PCTP: variants seen among roughly 807,000 people sequenced by gnomAD.
PCTP encodes phosphatidylcholine transfer protein, also known as START domain-containing protein 2.
In PCTP, 27 loss-of-function variants were observed where a neutral mutation model predicts 31.0. That is an observed-to-expected ratio of 0.87 (90% confidence interval 0.64 to 1.20). The LOEUF (loss-of-function observed/expected upper bound fraction) is 1.20, where lower values mean the gene tolerates loss of function less well. PCTP is among the 50% of genes most tolerant of loss of function. The pLI is 0.00. For synonymous variants in PCTP, 108 were observed against 101.2 expected (o/e 1.07, Z -0.40); for missense variants, 287 against 268.2 (o/e 1.07, Z -0.49).
downstream of PCTP, among the ~76,000 whole-genome samples, chr17:55,846,724 C>T (rs2145100413): frequency 6.6e-6 from 1 of 152,206 alleles, no homozygotes; most frequent in Non-Finnish European, 1.5e-5. Context: ...CATGATAGTT[C>T]TTATAGGTAG....
chr17:55,823,431 G>A (rs748035839), downstream of PCTP, among the ~76,000 whole-genome samples: 3 of 152,194 alleles, frequency 2.0e-5, no homozygotes, highest in African/African-American at 4.8e-5. Context: ...CTAAAAAGTA[G>A]CGACTGGGAA....
At chr17:55,760,506 T>G (rs12936444) in intron 1 of PCTP, among the ~76,000 whole-genome samples, 17,457 of 152,202 alleles carry the variant, frequency 0.11, 1,132 homozygotes, top group African/African-American at 0.17. Flanking sequence ...AGAGGTTAGA[T>G]TCTACCCAGA....
chr17:55,791,319 C>T (rs1202839238), intron 3 of PCTP, among the ~76,000 whole-genome samples: 1 of 149,638 alleles, frequency 6.7e-6, no homozygotes, highest in Non-Finnish European at 1.5e-5. Flanking sequence ...TCTAATTAAA[C>T]TAAAGAGCTT....
At chr17:55,804,492 A>G (rs1294964119) in intron 3 of PCTP, among the ~76,000 whole-genome samples, 1 of 152,242 alleles carries the variant, frequency 6.6e-6, no homozygotes, top group Non-Finnish European at 1.5e-5. Flanking sequence ...AGACTGGATA[A>G]AGAAAATGTG....
rs560274705 is a variant in PCTP, at chr17:55,762,598, A to G, written c.142-4737A>G. Among the ~76,000 whole-genome samples the G allele has an allele frequency of 6.6e-5, 10 of 152,302 alleles. No homozygotes were observed. In the East Asian group the frequency reaches 1.9e-3, roughly 29 times the overall value. On this transcript the variant is annotated intron_variant, in intron 1 of 5. Coordinates refer to ENST00000268896, the MANE Select transcript of PCTP (RefSeq NM_021213.4). Reference sequence around the variant, plus strand: ...ATCAATGACAAACAGAGGCATGTTTATCTCACCTAATAAATAGGTCAGAGT... The same window carrying G: ...ATCAATGACAAACAGAGGCATGTTTGTCTCACCTAATAAATAGGTCAGAGT...
chr17:55,775,845 C>T (rs754220273), intron 5 of PCTP, 190 bp from the exon 6 acceptor site: 22 of 1,312,788 alleles, frequency 1.7e-5, no homozygotes, highest in Non-Finnish European at 2.1e-5. Flanking sequence ...TTCCTGTTGA[C>T]TGGTCTTACT....
At chr17:55,784,317 G>C (rs1204598366) in intron 2 of PCTP, among the ~76,000 whole-genome samples, 1 of 152,122 alleles carries the variant, frequency 6.6e-6, no homozygotes, top group Non-Finnish European at 1.5e-5. Context: ...GGCTGTAGGA[G>C]ACCTTCCCCC....
chr17:55,814,732 C>T (rs1912863109), intron 3 of PCTP, among the ~76,000 whole-genome samples: 1 of 152,164 alleles, frequency 6.6e-6, no homozygotes, highest in South Asian at 2.1e-4. Flanking sequence ...CTCTGCATGT[C>T]CCAGGGAAAT....
chr17:55,787,222 G>A (rs1364209616), intron 2 of PCTP, among the ~76,000 whole-genome samples: 5 of 150,828 alleles, frequency 3.3e-5, no homozygotes, highest in Non-Finnish European at 5.9e-5. Flanking sequence ...TGCGTTTTCT[G>A]CTTGTTTCTG....
chr17:55,824,886 T>C (rs35272746), downstream of PCTP, among the ~76,000 whole-genome samples: 2,349 of 152,292 alleles, frequency 0.015, 27 homozygotes, highest in Non-Finnish European at 0.024. Context: ...GTTTCAATCT[T>C]TTTCTTTCAT....
chr17:55,799,607 C>T (rs1406476862), intron 3 of PCTP, among the ~76,000 whole-genome samples: 1 of 152,030 alleles, frequency 6.6e-6, no homozygotes, highest in Non-Finnish European at 1.5e-5. Context: ...TGAATTTGAT[C>T]CTGTCATTAT....
intron 3 of PCTP, among the ~76,000 whole-genome samples, chr17:55,818,391 C>T (rs1484576887): frequency 6.6e-6 from 1 of 152,168 alleles, no homozygotes; most frequent in Non-Finnish European, 1.5e-5. Flanking sequence ...CAGCATTTGT[C>T]ACTGTGTGAG....
rs566754980 is a variant in PCTP, at chr17:55,775,093, C to T, written c.579+234C>T. Among the ~76,000 whole-genome samples, 7 of 152,246 alleles carry T rather than the reference C, an allele frequency of 4.6e-5. No individual in the cohort carries two copies. The East Asian group carries it at 1.4e-3, about 29-fold the overall frequency. ...AGCTTGGAATGCCAGCCTCTCCCTG[C>T]TTGTGCCCCAGGACCCCGCCAGAAT... On this transcript the variant is annotated intron_variant, in intron 5 of 5. Coordinates refer to ENST00000268896, the MANE Select transcript of PCTP (RefSeq NM_021213.4).
downstream of PCTP, among the ~76,000 whole-genome samples, chr17:55,846,101 G>A (rs1158125366): frequency 1.3e-5 from 2 of 151,988 alleles, no homozygotes; most frequent in Non-Finnish European, 2.9e-5. Context: ...ACATTCCAGA[G>A]TTCTAGATAT....
chr17:55,757,542 A>C (rs1910107455), intron 1 of PCTP, among the ~76,000 whole-genome samples: 2 of 92,516 alleles, frequency 2.2e-5, no homozygotes, highest in Non-Finnish European at 5.3e-5. Flanking sequence ...AGTATATATG[A>C]ATATATACAC....
chr17:55,797,642 A>T (rs1158384817), intron 3 of PCTP, among the ~76,000 whole-genome samples: 1 of 152,048 alleles, frequency 6.6e-6, no homozygotes, highest in African/African-American at 2.4e-5. Flanking sequence ...GGTTGTCTAC[A>T]ACTACAGAAA....
intron 3 of PCTP, among the ~76,000 whole-genome samples, chr17:55,809,939 A>G (rs58442282): frequency 0.027 from 4,087 of 152,324 alleles, 183 homozygotes; most frequent in African/African-American, 0.094. Context: ...AACAGCAGAA[A>G]GGACTAAAGC....
intron 3 of PCTP, among the ~76,000 whole-genome samples, chr17:55,808,016 G>T (rs948725352): frequency 2.6e-5 from 4 of 152,056 alleles, no homozygotes; most frequent in African/African-American, 4.8e-5. Flanking sequence ...TGATAATGAT[G>T]GTGGTGACTA....
downstream of PCTP, among the ~76,000 whole-genome samples, chr17:55,778,519 G>A (rs1229863506): frequency 6.6e-6 from 1 of 151,632 alleles, no homozygotes; most frequent in African/African-American, 2.4e-5. Flanking sequence ...TTGACCAAAT[G>A]GCATGAACCT....
Sources: gnomAD v4.1 joint callset for allele counts (sites outside exome capture counted in the v4.1 genomes callset) on GRCh38, gnomAD v4.1.1 for gene constraint, MANE v1.5 for transcripts, NCBI Gene and HGNC (gene_info 2026-07-23, HGNC 2026-07-21) for gene names.